Variants in GRK5 observed in about 807,000 individuals in gnomAD.
GRK5 encodes the protein g protein-coupled receptor kinase GRK5.
GRK5 carries 40 observed loss-of-function variants against 78.4 expected under a neutral mutation model. The ratio of observed to expected loss-of-function variants is 0.51; its 90% CI spans 0.40 to 0.66. GRK5 has a LOEUF of 0.66. GRK5 is among the 30% of genes least tolerant of loss of function. GRK5 has a pLI of 0.00. For synonymous variants in GRK5, 289 were observed against 296.8 expected (o/e 0.97, Z 0.27); for missense variants, 598 against 759.9 (o/e 0.79, Z 2.50).
chr10:119,442,453 G>A (rs190946284), intron 11 of GRK5, among the ~76,000 whole-genome samples: 54 of 152,336 alleles, frequency 3.5e-4, no homozygotes, highest in African/African-American at 1.2e-3. Flanking sequence ...ATTCACAAGA[G>A]CCCGCAAATG....
intron 4 of GRK5, among the ~76,000 whole-genome samples, chr10:119,403,561 G>T (rs1355739419): frequency 6.6e-6 from 1 of 152,186 alleles, no homozygotes; most frequent in Non-Finnish European, 1.5e-5. Context: ...ATATTCCATT[G>T]TAAAGATACA....
chr10:119,207,677 G>T lies in GRK5; in HGVS notation c.-241G>T, dbSNP rs1395009640. ...GTGGGGGGGAGCGTGTTGAGGGAGG[G>T]GGGAGGGGGGACACAGAGGGAGGAA... On this transcript the variant is annotated 5_prime_UTR_variant, in exon 1 of 16. Transcript: ENST00000392870. 1.9e-5 allele frequency: 8 copies of T among 421,188 alleles called. No homozygotes were observed. The East Asian group carries it at 4.3e-4, about 22-fold the overall frequency. 26.1% of individuals were successfully genotyped at this position (421,188 alleles called of 1,614,324 possible).
At chr10:119,428,534 C>T (rs752957051) in intron 6 of GRK5, among the ~76,000 whole-genome samples, 3 of 152,198 alleles carry the variant, frequency 2.0e-5, no homozygotes, top group Non-Finnish European at 4.4e-5. Context: ...TTGGAGCAGC[C>T]TTGGGCCACT....
chr10:119,251,504 T>C (rs1173833581), intron 1 of GRK5, among the ~76,000 whole-genome samples: 1 of 152,248 alleles, frequency 6.6e-6, no homozygotes, highest in African/African-American at 2.4e-5. Context: ...CTTCAGTTAC[T>C]GAGTCACTGG....
In GRK5 at chr10:119,452,087, G is replaced by A. The variant is rs1028494545; in HGVS notation, c.1405-584G>A. Among the ~76,000 whole-genome samples the A allele has an allele frequency of 6.6e-6, 1 of 152,188 alleles. No individual in the cohort carries two copies. Among genetic ancestry groups the A allele is most frequent in the African/African-American group, 2.4e-5 (1 of 41,440 alleles). ...GGCCCCCAGTGCACAGCTGAGGGAC[G>A]AGTAAGGCAAAAGATATGCCTACCA... On this transcript the variant is annotated intron_variant, in intron 13 of 15. Transcript: ENST00000392870. The surrounding 1 kb of genome is among the most constrained non-coding windows in gnomAD (Gnocchi z 4.4).
chr10:119,305,875 G>A (rs1396579738), intron 1 of GRK5, among the ~76,000 whole-genome samples: 15 of 151,884 alleles, frequency 9.9e-5, no homozygotes, highest in Non-Finnish European at 2.2e-4. Context: ...TTCTGGAAAT[G>A]TGTATCTAGC....
At chr10:119,371,417 C>T (rs1851545112) in intron 2 of GRK5, among the ~76,000 whole-genome samples, 2 of 152,278 alleles carry the variant, frequency 1.3e-5, no homozygotes, top group Admixed American at 1.3e-4. Flanking sequence ...GTTCCCATTT[C>T]ATGTCACTCG....
intron 2 of GRK5, among the ~76,000 whole-genome samples, chr10:119,373,694 C>A (rs1382062138): frequency 6.6e-6 from 1 of 151,974 alleles, no homozygotes; most frequent in Non-Finnish European, 1.5e-5. Context: ...CAGTAGGCTC[C>A]CAGGTGGAAT....
At chr10:119,316,008 G>A (rs1245217254) in intron 1 of GRK5, among the ~76,000 whole-genome samples, 3 of 152,170 alleles carry the variant, frequency 2.0e-5, no homozygotes, top group East Asian at 3.8e-4. Context: ...GGGAAGTCCT[G>A]GGGTCTCTGT....
intron 9 of GRK5, among the ~76,000 whole-genome samples, chr10:119,438,630 G>C (rs533497107): frequency 7.6e-4 from 115 of 152,148 alleles, no homozygotes; most frequent in Middle Eastern, 3.4e-3. Context: ...GTTCCAGCTC[G>C]TCTTCTTCCG....
chr10:119,258,449 G>A (rs565426102), intron 1 of GRK5, among the ~76,000 whole-genome samples: 2 of 152,324 alleles, frequency 1.3e-5, no homozygotes, highest in Admixed American at 1.3e-4. Context: ...ATATGTAGGA[G>A]TGGGATTGCT....
Position 119,236,236 on chromosome 10 carries a change from G to C in GRK5, c.52+28267G>C, listed in dbSNP as rs117522480. ...ACTATTTTTTTTTTCTTTTTTTTGA[G>C]ACGGAGTCTCGCTGTCTCTCCCAGG... On this transcript the variant is annotated intron_variant, in intron 1 of 15. Transcript: ENST00000392870. Among the ~76,000 whole-genome samples the C allele has an allele frequency of 8.4e-4, 127 of 151,838 alleles. 1 individual carries two copies. The East Asian group carries it at 0.023, about 27-fold the overall frequency.
At chr10:119,340,931 G>A (rs1485241009) in intron 2 of GRK5, among the ~76,000 whole-genome samples, 1 of 152,170 alleles carries the variant, frequency 6.6e-6, no homozygotes, top group African/African-American at 2.4e-5. Flanking sequence ...TAGTTTTCCT[G>A]TCTTCTTGGG....
chr10:119,339,958 G>A (rs1850956492), intron 2 of GRK5, among the ~76,000 whole-genome samples: 1 of 152,116 alleles, frequency 6.6e-6, no homozygotes, highest in South Asian at 2.1e-4. Context: ...AAAGAGCTAG[G>A]GGCATGAGCT....
intron 1 of GRK5, among the ~76,000 whole-genome samples, chr10:119,284,447 G>A (rs1304256708): frequency 2.0e-5 from 3 of 152,196 alleles, no homozygotes; most frequent in African/African-American, 7.2e-5. Context: ...TATTTAATCC[G>A]ATATGTACAA....
chr10:119,399,002 G>A (rs1425928063), intron 4 of GRK5, among the ~76,000 whole-genome samples: 1 of 108,872 alleles, frequency 9.2e-6, no homozygotes, highest in Non-Finnish European at 2.4e-5. Flanking sequence ...GTTGCCCCGT[G>A]GCCAACCTTG....
chr10:119,422,932 A>G (rs1337053309), intron 4 of GRK5, among the ~76,000 whole-genome samples: 2 of 152,234 alleles, frequency 1.3e-5, no homozygotes, highest in Non-Finnish European at 2.9e-5. Flanking sequence ...TCCTGAACCT[A>G]GGCTCATTCA....
At chr10:119,356,079 G>A (rs958619180) in intron 2 of GRK5, among the ~76,000 whole-genome samples, 8 of 152,170 alleles carry the variant, frequency 5.3e-5, no homozygotes, top group African/African-American at 1.7e-4. Flanking sequence ...GATCAAGACT[G>A]GGTCATGCAT....
intron 2 of GRK5, among the ~76,000 whole-genome samples, chr10:119,367,802 G>A (rs1016980752): frequency 1.3e-5 from 2 of 152,236 alleles, no homozygotes; most frequent in African/African-American, 4.8e-5. Flanking sequence ...GGAGGATTAA[G>A]GGTGGCTGGG....
Sources: gnomAD v4.1 joint callset for allele counts (sites outside exome capture counted in the v4.1 genomes callset) on GRCh38, gnomAD v4.1.1 for gene constraint, Gnocchi (gnomAD v3.1) non-coding constraint, MANE v1.5 for transcripts, NCBI Gene and HGNC (gene_info 2026-07-23, HGNC 2026-07-21) for gene names.